The following ADCY2 variants were observed in gnomAD, a reference collection of about 807,000 sequenced individuals.
The protein encoded by ADCY2 is adenylate cyclase type 2.
In ADCY2, 31 loss-of-function variants were observed where a neutral mutation model predicts 125.2. The observed-to-expected ratio is 0.25, with a 90% CI of 0.19 to 0.33. The LOEUF (loss-of-function observed/expected upper bound fraction) is 0.33. Among genes scored for constraint, ADCY2 ranks in the 10% least tolerant of loss-of-function variants. The pLI, the probability that ADCY2 is intolerant of heterozygous loss-of-function variation, is 1.00. For missense variants in ADCY2, 904 were observed against 1,418.2 expected, an observed-to-expected ratio of 0.64 and a Z score of 5.82; for synonymous variants, 512 against 548.4, an observed-to-expected ratio of 0.93 and a Z score of 0.93.
At chr5:7,787,564 C>T (rs897183473) in intron 19 of ADCY2, among the ~76,000 whole-genome samples, 1 of 152,178 alleles carries the variant, frequency 6.6e-6, no homozygotes, top group African/African-American at 2.4e-5. Context: ...GCCTTTCATA[C>T]AAGCTGCTAA....
chr5:7,745,568 T>C (rs187244222), intron 15 of ADCY2, among the ~76,000 whole-genome samples: 60 of 152,274 alleles, frequency 3.9e-4, no homozygotes, highest in Admixed American at 2.0e-3. Context: ...AAACGCTTAT[T>C]GTAGAAAGAA....
chr5:7,791,242 T>C (rs1744241209), intron 20 of ADCY2, among the ~76,000 whole-genome samples: 1 of 146,762 alleles, frequency 6.8e-6, no homozygotes, highest in African/African-American at 2.7e-5. Context: ...GGTCCTGAGA[T>C]TTTTTTTTTC....
intron 3 of ADCY2, among the ~76,000 whole-genome samples, chr5:7,556,784 C>T (rs369266306): frequency 2.0e-4 from 30 of 152,112 alleles, no homozygotes; most frequent in Non-Finnish European, 4.0e-4. Context: ...ATGAACTGCA[C>T]GTGCAAGGGA....
intron 4 of ADCY2, among the ~76,000 whole-genome samples, chr5:7,654,564 G>A (rs943722068): frequency 1.3e-5 from 2 of 152,168 alleles, no homozygotes; most frequent in Admixed American, 6.5e-5. Context: ...TGACATAGGC[G>A]GGGATGCTGG....
intron 11 of ADCY2, among the ~76,000 whole-genome samples, chr5:7,713,911 A>T (rs1741520287): frequency 6.6e-6 from 1 of 152,172 alleles, no homozygotes; most frequent in Non-Finnish European, 1.5e-5. Context: ...ATAGAAAAGG[A>T]ATTGTACCCA....
At chr5:7,637,350 A>G (rs1361034161) in intron 4 of ADCY2, among the ~76,000 whole-genome samples, 1 of 150,520 alleles carries the variant, frequency 6.6e-6, no homozygotes, top group African/African-American at 2.4e-5. Context: ...AGTGCCTGTA[A>G]TCTCAGGAGG....
At chr5:7,411,331 C>G (rs1407971795) in intron 1 of ADCY2, among the ~76,000 whole-genome samples, 1 of 152,108 alleles carries the variant, frequency 6.6e-6, no homozygotes, top group Non-Finnish European at 1.5e-5. Flanking sequence ...GAGGATGACT[C>G]TCCTCCTCTG....
chr5:7,495,733 G>A (rs557499466), intron 2 of ADCY2, among the ~76,000 whole-genome samples: 1 of 152,206 alleles, frequency 6.6e-6, no homozygotes, highest in Middle Eastern at 3.4e-3. Context: ...AACGTTATGC[G>A]AGTATGCTAA....
intron 3 of ADCY2, among the ~76,000 whole-genome samples, chr5:7,589,905 A>G (rs1461876886): frequency 7.2e-5 from 11 of 152,176 alleles, no homozygotes. Flanking sequence ...GGGTTATGCA[A>G]TGTTAAATGG....
intron 12 of ADCY2, among the ~76,000 whole-genome samples, chr5:7,723,481 C>T (rs1020472663): frequency 1.3e-5 from 2 of 152,056 alleles, no homozygotes; most frequent in African/African-American, 4.8e-5. Context: ...GTTTAAAAGT[C>T]AGACAATGTG....
At chr5:7,403,534 G>A (rs2111443691) in intron 1 of ADCY2, among the ~76,000 whole-genome samples, 1 of 152,090 alleles carries the variant, frequency 6.6e-6, no homozygotes, top group Middle Eastern at 3.4e-3. Context: ...ATCTCTATGT[G>A]GCTCATTTAT....
At position 7,396,828 on chromosome 5, in the gene ADCY2, G is replaced by T. The variant is rs566384500; in HGVS notation, c.210+322G>T. Among the ~76,000 whole-genome samples the T allele has an allele frequency of 2.0e-3, 304 of 152,270 alleles. 2 individuals carry two copies. Among genetic ancestry groups the T allele is most frequent in the African/African-American group, 6.2e-3 (258 of 41,568 alleles). On this transcript the variant is annotated intron_variant, in intron 1 of 24. Transcript: ENST00000338316. The surrounding 1 kb of genome is among the most constrained non-coding windows in gnomAD (Gnocchi z 5.7). ...GCTGGCAAACTCTGCGCTTTCCGCC[G>T]GGCACCGCTGCCCGCAGCGCTGGAA...
At chr5:7,488,503 G>A (rs1743027990) in intron 2 of ADCY2, among the ~76,000 whole-genome samples, 1 of 152,100 alleles carries the variant, frequency 6.6e-6, no homozygotes, top group Admixed American at 6.5e-5. Context: ...CCTCAAGCAT[G>A]TTTCTAAGGG....
At chr5:7,704,651 G>A (rs986392843) in intron 7 of ADCY2, among the ~76,000 whole-genome samples, 7 of 152,028 alleles carry the variant, frequency 4.6e-5, no homozygotes, top group South Asian at 2.1e-4. Flanking sequence ...AGGCCGAGGC[G>A]GGTGGATCAC....
Position 7,697,089 on chromosome 5 carries a change from G to A in ADCY2, c.982-1158G>A, listed in dbSNP as rs191004328. ...ATTCTCTCCTCTACGTGCCTGTCTCGGTGAACAAATTTCCCCTTCTTAGAG... is the reference window on the plus strand; with the variant it reads ...ATTCTCTCCTCTACGTGCCTGTCTCAGTGAACAAATTTCCCCTTCTTAGAG... On this transcript the variant is annotated intron_variant, in intron 6 of 24. Transcript: ENST00000338316. Among the ~76,000 whole-genome samples the A allele has an allele frequency of 5.4e-3, 818 of 151,924 alleles. 11 individuals are homozygous for A. Among genetic ancestry groups the A allele is most frequent in the Middle Eastern group, 0.027 (8 of 294 alleles).
intron 4 of ADCY2, among the ~76,000 whole-genome samples, chr5:7,647,653 C>G (rs573312451): frequency 6.6e-6 from 1 of 152,174 alleles, no homozygotes; most frequent in Non-Finnish European, 1.5e-5. Flanking sequence ...AAAATGGCAA[C>G]TAGAGGAAGA....
intron 2 of ADCY2, among the ~76,000 whole-genome samples, chr5:7,493,975 G>C (rs1413851634): frequency 6.6e-6 from 1 of 152,038 alleles, no homozygotes; most frequent in Non-Finnish European, 1.5e-5. Flanking sequence ...AACCAGAGGA[G>C]GATCCTCTGG....
intron 4 of ADCY2, among the ~76,000 whole-genome samples, chr5:7,680,600 G>A (rs1166943284): frequency 6.6e-6 from 1 of 152,194 alleles, no homozygotes; most frequent in African/African-American, 2.4e-5. Context: ...TGGACTTAAA[G>A]TTTTGGCTAG....
At chr5:7,478,925 T>C (rs1432630422) in intron 2 of ADCY2, among the ~76,000 whole-genome samples, 1 of 152,172 alleles carries the variant, frequency 6.6e-6, no homozygotes, top group Non-Finnish European at 1.5e-5. Context: ...CAGCGTGTCA[T>C]TTATACAGGT....
Sources: allele counts gnomAD v4.1 joint callset (sites outside exome capture counted in the v4.1 genomes callset), GRCh38; gene constraint gnomAD v4.1.1; non-coding constraint Gnocchi (gnomAD v3.1); transcripts MANE v1.5; gene names NCBI Gene and HGNC (gene_info 2026-07-23, HGNC 2026-07-21).